The following SSBP3 variants were observed in gnomAD, a reference collection of about 807,000 sequenced individuals.
SSBP3 encodes single-stranded DNA-binding protein 3.
A neutral mutation model predicts 69.6 loss-of-function variants in SSBP3; 5 were observed. That is an observed-to-expected ratio of 0.07 (90% confidence interval 0.04 to 0.15). The LOEUF (loss-of-function observed/expected upper bound fraction) is 0.15, where lower values mean the gene tolerates loss of function less well. Ranked by LOEUF, SSBP3 falls within the 10% of genes least tolerant of loss-of-function variation. The pLI is 1.00. For synonymous variants in SSBP3, 196 were observed against 193.4 expected (o/e 1.01, Z -0.11); for missense variants, 312 against 534.0 (o/e 0.58, Z 4.10).
chr1:54,408,301 TA>T (rs1182596270), upstream of SSBP3, among the ~76,000 whole-genome samples: 1 of 152,174 alleles, frequency 6.6e-6, no homozygotes, highest in Admixed American at 6.5e-5. Context: ...TAATTACAGT[TA>T]TTTTTTCCCC....
intron 4 of SSBP3, among the ~76,000 whole-genome samples, chr1:54,316,522 T>C (rs1646101728): frequency 6.8e-6 from 1 of 146,490 alleles, no homozygotes; most frequent in Non-Finnish European, 1.5e-5. Context: ...GCGCCTGTAG[T>C]CCCAGCTACT....
At chr1:54,241,110 C>T in intron 12 of SSBP3, 151 bp from the exon 13 acceptor site, 3 of 863,988 alleles carry the variant, frequency 3.5e-6, no homozygotes, top group Non-Finnish European at 5.3e-6. Flanking sequence ...ACTCAAAGTA[C>T]TCAAGCTTGA....
At chr1:54,286,932 G>C (rs1321104577) in intron 4 of SSBP3, 1 of 152,244 alleles carries the variant, frequency 6.6e-6, no homozygotes, top group African/African-American at 2.4e-5. Context: ...GGAGCAAGTG[G>C]ACTTGACGAG....
intron 4 of SSBP3, among the ~76,000 whole-genome samples, chr1:54,313,685 C>G (rs773322755): frequency 5.3e-5 from 8 of 150,628 alleles, no homozygotes; most frequent in African/African-American, 1.9e-4. Flanking sequence ...GTGCAGTGCT[C>G]GTAAGCAGAT....
chr1:54,303,835 T>A (rs1397387668), intron 4 of SSBP3, among the ~76,000 whole-genome samples: 4 of 152,256 alleles, frequency 2.6e-5, no homozygotes, highest in South Asian at 2.1e-4. Context: ...ACAGTGCTAT[T>A]TTGAATATAT....
chr1:54,310,212 C>T (rs1203335625), intron 4 of SSBP3, among the ~76,000 whole-genome samples: 2 of 150,656 alleles, frequency 1.3e-5, no homozygotes, highest in Non-Finnish European at 1.5e-5. Context: ...CTCGGGGAGG[C>T]GCAGCCAACC....
upstream of SSBP3, among the ~76,000 whole-genome samples, chr1:54,406,829 T>G (rs1255791249): frequency 1.3e-5 from 1 of 79,970 alleles, no homozygotes; most frequent in East Asian, 3.4e-4. Context: ...TCCCTCTCCC[T>G]TATCTGCCCC....
At chr1:54,406,850 C>A (rs1028003332), upstream of SSBP3, among the ~76,000 whole-genome samples, 4 of 151,648 alleles carry the variant, frequency 2.6e-5, no homozygotes, top group African/African-American at 9.7e-5. Context: ...TCAGCTCCCC[C>A]CCGCCGCGGC....
rs3766441 is a variant in SSBP3 at position 54,258,624 on chromosome 1, G to A, written c.367-475C>T. Among the ~76,000 whole-genome samples, 5 of 152,012 alleles carry A rather than the reference G, an allele frequency of 3.3e-5. No individual in the cohort carries two copies. The highest frequency in any genetic ancestry group is 2.1e-4 in the South Asian group (1 of 4,822). ...CTCACAGTCTGGGGGACAGTGACAC[G>A]GCTATGGGTGACTCGAGGCAGTACT... On this transcript the variant is annotated intron_variant, in intron 5 of 17. Coordinates refer to ENST00000610401, the Ensembl canonical transcript of SSBP3. The surrounding 1 kb of genome is among the most constrained non-coding windows in gnomAD (Gnocchi z 4.5).
intron 4 of SSBP3, among the ~76,000 whole-genome samples, chr1:54,399,942 AG>A (rs1432154364): frequency 6.6e-6 from 1 of 152,078 alleles, no homozygotes; most frequent in African/African-American, 2.4e-5. Context: ...ACATGATACC[AG>A]GTGGAGCCCA....
intron 4 of SSBP3, among the ~76,000 whole-genome samples, chr1:54,392,115 T>G (rs1178821235): frequency 6.6e-6 from 1 of 152,046 alleles, no homozygotes; most frequent in African/African-American, 2.4e-5. Context: ...CAAGCATCTG[T>G]TGGGATTTTC....
chr1:54,406,850 C>G (rs1028003332), upstream of SSBP3, among the ~76,000 whole-genome samples: 1 of 151,758 alleles, frequency 6.6e-6, no homozygotes, highest in Middle Eastern at 3.4e-3. Context: ...TCAGCTCCCC[C>G]CCGCCGCGGC....
At chr1:54,323,891 C>A (rs1267345986) in intron 4 of SSBP3, among the ~76,000 whole-genome samples, 3 of 152,152 alleles carry the variant, frequency 2.0e-5, no homozygotes, top group Non-Finnish European at 4.4e-5. Flanking sequence ...GCAGGATGTA[C>A]AAGCAGAATG....
At chr1:54,245,663 A>G (rs1024466762) in intron 9 of SSBP3, among the ~76,000 whole-genome samples, 24 of 152,164 alleles carry the variant, frequency 1.6e-4, no homozygotes, top group Non-Finnish European at 2.9e-4. Context: ...GGAGCCAGAG[A>G]AGGCAGGCCC....
intron 4 of SSBP3, among the ~76,000 whole-genome samples, chr1:54,369,901 G>A (rs186610935): frequency 5.3e-5 from 8 of 152,082 alleles, no homozygotes; most frequent in East Asian, 1.9e-4. Flanking sequence ...TGCCTCTCTC[G>A]GGATCCCCAT....
intron 4 of SSBP3, among the ~76,000 whole-genome samples, chr1:54,385,895 C>G (rs969303137): frequency 1.3e-5 from 2 of 152,176 alleles, no homozygotes; most frequent in African/African-American, 4.8e-5. Context: ...AGCTCTCGTT[C>G]TCTGCACCTT....
At chr1:54,330,578 C>G (rs1028000124) in intron 4 of SSBP3, among the ~76,000 whole-genome samples, 1 of 152,160 alleles carries the variant, frequency 6.6e-6, no homozygotes, top group Non-Finnish European at 1.5e-5. Flanking sequence ...ACCAGTACAC[C>G]CTAGGTTCCT....
chr1:54,407,637 C>T (rs919959884), upstream of SSBP3, among the ~76,000 whole-genome samples: 1 of 151,880 alleles, frequency 6.6e-6, no homozygotes, highest in Non-Finnish European at 1.5e-5. Context: ...TGATAAAACA[C>T]TGTCGGCACT....
Position 54,258,037 on chromosome 1 carries a change from C to T in SSBP3, c.447+32G>A. On this transcript the variant is annotated intron_variant, in intron 6 of 17. Coordinates refer to ENST00000610401, the Ensembl canonical transcript of SSBP3. This position sits in a 1 kb window ranked among gnomAD's most constrained non-coding sequence, Gnocchi z 4.5. ...CTCTGCTTCCTCCGCGCCCCGCGTC[C>T]CCGGCGGGCGGGAGCGCCACGGTGC... 6.4e-7 allele frequency: 1 copy of T among 1,560,450 alleles called. No homozygotes were observed. Among genetic ancestry groups the T allele is most frequent in the East Asian group, 2.3e-5 (1 of 43,032 alleles).
Sources: allele counts gnomAD v4.1 joint callset (sites outside exome capture counted in the v4.1 genomes callset), GRCh38; gene constraint gnomAD v4.1.1; non-coding constraint Gnocchi (gnomAD v3.1); transcripts MANE v1.5; gene names NCBI Gene and HGNC (gene_info 2026-07-23, HGNC 2026-07-21).